The following NMNAT2 variants were observed in gnomAD, a reference collection of about 807,000 sequenced individuals.
NMNAT2 encodes the protein nicotinamide/nicotinic acid mononucleotide adenylyltransferase 2.
Under a neutral mutation model 41.6 loss-of-function variants are expected in NMNAT2, and 11 were observed. The observed-to-expected ratio is 0.26, with a 90% CI of 0.17 to 0.44. The LOEUF (loss-of-function observed/expected upper bound fraction) is 0.44. Ranked by LOEUF, NMNAT2 falls within the 20% of genes least tolerant of loss-of-function variation. NMNAT2 has a pLI of 1.00. For missense variants in NMNAT2, 288 were observed against 407.7 expected (o/e 0.71, Z 2.53); for synonymous variants, 148 against 151.2 (o/e 0.98, Z 0.16).
chr1:183,370,811 G>A (rs1663520788), intron 1 of NMNAT2, among the ~76,000 whole-genome samples: 1 of 152,234 alleles, frequency 6.6e-6, no homozygotes, highest in African/African-American at 2.4e-5. Flanking sequence ...AAAAAGCCAA[G>A]CTTCTGCCTG....
intron 1 of NMNAT2, among the ~76,000 whole-genome samples, chr1:183,342,129 C>T (rs1018126086): frequency 4.0e-5 from 6 of 151,624 alleles, no homozygotes; most frequent in Admixed American, 2.0e-4. Context: ...GAGAAACCTT[C>T]CACACTGCAA....
intron 1 of NMNAT2, among the ~76,000 whole-genome samples, chr1:183,377,954 A>G (rs1663715088): frequency 6.6e-6 from 1 of 152,240 alleles, no homozygotes; most frequent in Non-Finnish European, 1.5e-5. Flanking sequence ...AAAAACACAG[A>G]AACAGAGATA....
At chr1:183,304,435 C>A (rs140282416) in intron 1 of NMNAT2, among the ~76,000 whole-genome samples, 1 of 152,292 alleles carries the variant, frequency 6.6e-6, no homozygotes, top group East Asian at 1.9e-4. Context: ...AGGTTACCCA[C>A]ATTTGGTATA....
intron 8 of NMNAT2, among the ~76,000 whole-genome samples, chr1:183,271,103 C>G (rs1321523834): frequency 6.6e-6 from 1 of 152,182 alleles, no homozygotes; most frequent in African/African-American, 2.4e-5. Context: ...AAACAATTCC[C>G]TCAGTGGCCA....
chr1:183,392,823 AT>A (rs1467505143), intron 1 of NMNAT2, among the ~76,000 whole-genome samples: 1 of 152,146 alleles, frequency 6.6e-6, no homozygotes, highest in African/African-American at 2.4e-5. Context: ...CCTCAATGTG[AT>A]TCCCCCAATC....
At chr1:183,318,033 T>C (rs2102328524) in intron 1 of NMNAT2, among the ~76,000 whole-genome samples, 1 of 152,330 alleles carries the variant, frequency 6.6e-6, no homozygotes. Context: ...GTCTATTATG[T>C]TCTGGGCACT....
At chr1:183,304,835 TC>T in intron 1 of NMNAT2, 1 of 1,593,164 alleles carries the variant, frequency 6.3e-7, no homozygotes, top group Admixed American at 1.7e-5. Context: ...TTGTTGCTGA[TC>T]TTGTTTGCTC....
chr1:183,395,939 C>T (rs1210604885), intron 1 of NMNAT2, among the ~76,000 whole-genome samples: 5 of 152,096 alleles, frequency 3.3e-5, no homozygotes, highest in Non-Finnish European at 5.9e-5. Flanking sequence ...AGATTTGGTC[C>T]CAGACTTCTC....
rs149250806 is a variant in NMNAT2, at chr1:183,286,786, C to T, written c.324G>A (p.Arg108=). 3.0e-5 allele frequency: 49 copies of T among 1,609,322 alleles called. No homozygotes were observed. In the African/African-American group the frequency reaches 5.3e-4, roughly 18 times the overall value. Reference sequence around the variant, plus strand: ...CATTGGAGAGGATGCAGCCAGTCACCCTCTAGGGAGAGAGAGAAGAGTGTT... The same window carrying T: ...CATTGGAGAGGATGCAGCCAGTCACTCTCTAGGGAGAGAGAGAAGAGTGTT... The part of the protein sequence containing the change: ...VLEHHRDLMK[R]VTGCILSNVN... The change falls in exon 5 of 11, where the codon AGG becomes AGA. Residue 108 remains arginine, a splice_region_variant and synonymous_variant. Transcript: ENST00000287713.
intron 1 of NMNAT2, among the ~76,000 whole-genome samples, chr1:183,335,808 C>A (rs574337426): frequency 3.9e-5 from 6 of 152,162 alleles, no homozygotes; most frequent in Non-Finnish European, 8.8e-5. Context: ...TCTAATATAT[C>A]TTCTGATCCC....
chr1:183,353,955 G>A (rs1394724305), intron 1 of NMNAT2, among the ~76,000 whole-genome samples: 3 of 152,084 alleles, frequency 2.0e-5, no homozygotes, highest in Admixed American at 6.6e-5. Context: ...AGAGGGCAAG[G>A]CATATCACTC....
At chr1:183,280,676 C>T (rs757002189) in intron 7 of NMNAT2, among the ~76,000 whole-genome samples, 3 of 151,906 alleles carry the variant, frequency 2.0e-5, no homozygotes, top group Admixed American at 6.6e-5. Context: ...GCATGAGCCA[C>T]TACACTCGGC....
intron 1 of NMNAT2, among the ~76,000 whole-genome samples, chr1:183,384,578 A>G (rs1019272398): frequency 3.9e-5 from 6 of 152,170 alleles, no homozygotes; most frequent in Admixed American, 3.3e-4. Context: ...GTCTGCCCCC[A>G]TGATCCAGTC....
At chr1:183,402,923 C>A (rs1157748209) in intron 1 of NMNAT2, among the ~76,000 whole-genome samples, 1 of 151,558 alleles carries the variant, frequency 6.6e-6, no homozygotes, top group Non-Finnish European at 1.5e-5. Context: ...TGCTGTCGTG[C>A]AATAAGACAT....
chr1:183,336,945 A>T (rs1044272437), intron 1 of NMNAT2, among the ~76,000 whole-genome samples: 2 of 152,242 alleles, frequency 1.3e-5, no homozygotes, highest in African/African-American at 4.8e-5. Context: ...AGCCAAATAC[A>T]AAACAATGTA....
intron 1 of NMNAT2, among the ~76,000 whole-genome samples, chr1:183,343,808 A>G (rs1662868488): frequency 6.6e-6 from 1 of 152,168 alleles, no homozygotes; most frequent in African/African-American, 2.4e-5. Flanking sequence ...CAGTGACTCC[A>G]CAACTTACGG....
intron 10 of NMNAT2, among the ~76,000 whole-genome samples, chr1:183,257,192 C>G (rs1489054825): frequency 6.6e-6 from 1 of 151,820 alleles, no homozygotes. Flanking sequence ...CCTGTAATAC[C>G]AGCACTTTGG....
Position 183,307,896 on chromosome 1 carries a change from T to C in NMNAT2, c.86-14103A>G, listed in dbSNP as rs76030376. Among the ~76,000 whole-genome samples the C allele has an allele frequency of 6.5e-3, 984 of 152,290 alleles. 2 individuals are homozygous for C. The highest frequency in any genetic ancestry group is 0.01 in the Non-Finnish European group (681 of 68,026). On this transcript the variant is annotated intron_variant, in intron 1 of 10. Coordinates refer to ENST00000287713, the MANE Select transcript of NMNAT2 (RefSeq NM_015039.4). Reference sequence around the variant, plus strand: ...CGCACCTGGCCCAAACGAAGTATTCTGAGTAATGTAAGAGAAGCCAAGGTT... The same window carrying C: ...CGCACCTGGCCCAAACGAAGTATTCCGAGTAATGTAAGAGAAGCCAAGGTT...
At chr1:183,349,346 C>G (rs1169824513) in intron 1 of NMNAT2, among the ~76,000 whole-genome samples, 26 of 152,236 alleles carry the variant, frequency 1.7e-4, no homozygotes, top group Admixed American at 1.7e-3. Flanking sequence ...ATCTCAAAGC[C>G]TTTGCCTGCT....
Sources: gnomAD v4.1 joint callset for allele counts (sites outside exome capture counted in the v4.1 genomes callset) on GRCh38, gnomAD v4.1.1 for gene constraint, MANE v1.5 for transcripts, NCBI Gene and HGNC (gene_info 2026-07-23, HGNC 2026-07-21) for gene names.